The following TPMT variants were observed in gnomAD, a reference collection of about 807,000 sequenced individuals.
TPMT encodes the protein S-adenosyl-L-methionine:thiopurine S-methyltransferase.
A neutral mutation model predicts 34.2 loss-of-function variants in TPMT; 18 were observed. The observed-to-expected ratio is 0.53, with a 90% CI of 0.36 to 0.78. The LOEUF is 0.78. TPMT is among the 30% of genes least tolerant of loss of function. The probability of loss-of-function intolerance (pLI) is 0.00; values close to 1 mark genes in which losing one functional copy is unlikely to be tolerated. For synonymous variants in TPMT, 69 were observed against 92.4 expected, an observed-to-expected ratio of 0.75 and a Z score of 1.45; for missense variants, 265 against 288.1, an observed-to-expected ratio of 0.92 and a Z score of 0.58.
At position 18,129,163 on chromosome 6, in the gene TPMT, TGG is replaced by T. The variant is rs1464865001; in HGVS notation, c.*1503_*1504del. On this transcript the variant is annotated 3_prime_UTR_variant, in exon 9 of 9. Coordinates refer to ENST00000309983, the MANE Select transcript of TPMT (RefSeq NM_000367.5). ...ATTCAACCGGTGATACAGGCAGAGTTGGGGAGTCATGGCTTCTGAAGCCCACA... is the reference window on the plus strand; with the variant it reads ...ATTCAACCGGTGATACAGGCAGAGTTGGAGTCATGGCTTCTGAAGCCCACA... 6.6e-6 allele frequency: 1 copy of T among 152,208 alleles called. No individual in the cohort carries two copies. The highest frequency in any genetic ancestry group is 1.5e-5 in the Non-Finnish European group (1 of 68,056). The allele number at this position is 152,208 out of a possible 1,614,324, so 9.4% of individuals were successfully genotyped here.
In TPMT at chr6:18,139,227, G is replaced by A. The variant is rs1408385683; in HGVS notation, c.420-190C>T. Reference sequence around the variant, plus strand: ...TGTCCATCCCCTCATGGTTTTAGGAGCCTGTGGCAGCAGCCTCCCCACTCT... The same window carrying A: ...TGTCCATCCCCTCATGGTTTTAGGAACCTGTGGCAGCAGCCTCCCCACTCT... On this transcript the variant is annotated intron_variant, in intron 5 of 8. Transcript: ENST00000309983. The surrounding 1 kb of genome is among the most constrained non-coding windows in gnomAD (Gnocchi z 4.2). 1.3e-5 allele frequency among the ~76,000 whole-genome samples: 2 copies of A among 152,188 alleles called. No homozygotes were observed.
Position 18,132,063 on chromosome 6 carries a change from C to T in TPMT, c.625+70G>A, listed in dbSNP as rs958084055. On this transcript the variant is annotated intron_variant, in intron 8 of 8. Transcript: ENST00000309983. The surrounding 1 kb of genome is among the most constrained non-coding windows in gnomAD (Gnocchi z 4.8). Reference sequence around the variant, plus strand: ...AAGTGCTGGAAATACAGGCATGAGCCAGCACGCCAGGCCCAAAAGAGTTAA... The same window carrying T: ...AAGTGCTGGAAATACAGGCATGAGCTAGCACGCCAGGCCCAAAAGAGTTAA... 1.9e-6 allele frequency: 3 copies of T among 1,554,414 alleles called. No individual in the cohort carries two copies. Among genetic ancestry groups the T allele is most frequent in the Non-Finnish European group, 2.7e-6 (3 of 1,127,644 alleles).
chr6:18,130,767 A>G lies in TPMT; in HGVS notation c.639T>C (p.Asn213=), dbSNP rs751299426. Reference sequence around the variant, plus strand: ...CATCAACCTTCTCAAGACAACGTATATTGCATATTTTACCTGAAACAAGAA... The same window carrying G: ...CATCAACCTTCTCAAGACAACGTATGTTGCATATTTTACCTGAAACAAGAA... ...EIERLFGKIC[N]IRCLEKVDAF... The change falls in exon 9 of 9, where the codon AAT becomes AAC. Residue 213 remains asparagine (N), a synonymous_variant. Coordinates refer to ENST00000309983, the MANE Select transcript of TPMT (RefSeq NM_000367.5). This position sits in a 1 kb window ranked among gnomAD's most constrained non-coding sequence, Gnocchi z 4.2. 1.9e-6 allele frequency: 3 copies of G among 1,612,880 alleles called. No individual in the cohort carries two copies. Among genetic ancestry groups the G allele is most frequent in the African/African-American group, 1.3e-5 (1 of 75,046 alleles).
Position 18,136,667 on chromosome 6 carries a change from G to A in TPMT, c.494+2296C>T, listed in dbSNP as rs1278537432. On this transcript the variant is annotated intron_variant, in intron 6 of 8. Coordinates refer to ENST00000309983, the MANE Select transcript of TPMT (RefSeq NM_000367.5). This position sits in a 1 kb window ranked among gnomAD's most constrained non-coding sequence, Gnocchi z 4.7. The stretch of plus-strand genomic sequence containing the variant: ...TACTAAAAATACAAAAAAATTAGCC[G>A]GGTGTGGTGGAGCATGCCTATAATC... Among the ~76,000 whole-genome samples, 4 of 152,100 alleles carry A rather than the reference G, an allele frequency of 2.6e-5. No individual in the cohort carries two copies. Among genetic ancestry groups the A allele is most frequent in the Non-Finnish European group, 5.9e-5 (4 of 68,026 alleles).
chr6:18,133,911 A>T (rs1162992362), intron 6 of TPMT, 22 bp from the exon 7 acceptor site: 60 of 1,594,494 alleles, frequency 3.8e-5, no homozygotes, highest in Non-Finnish European at 4.9e-5. Flanking sequence ...ACAAGAAGGT[A>T]TTTGTTACAT....
chr6:18,148,861 A>C lies in TPMT; in HGVS notation c.140+127T>G. ...CCACAGATGCACTGTGACTCGGGAGACACAAAAATGTGAAGAATTAAATGT... is the reference window on the plus strand; with the variant it reads ...CCACAGATGCACTGTGACTCGGGAGCCACAAAAATGTGAAGAATTAAATGT... On this transcript the variant is annotated intron_variant, in intron 2 of 8. Transcript: ENST00000309983. This position sits in a 1 kb window ranked among gnomAD's most constrained non-coding sequence, Gnocchi z 4.1. The C allele has an allele frequency of 7.2e-7, 1 of 1,389,596 alleles. No homozygotes were observed. The highest frequency in any genetic ancestry group is 1.0e-6 in the Non-Finnish European group (1 of 990,850). 86.1% of individuals were successfully genotyped at this position (1,389,596 alleles called of 1,614,324 possible). A position where few individuals can be genotyped will look rare whatever the true frequency, so the allele number is the denominator to read the frequency against.
In TPMT at chr6:18,131,173, A is replaced by C. The variant is rs1183463407; in HGVS notation, c.626-393T>G. Among the ~76,000 whole-genome samples, 1 of 152,222 alleles carries C rather than the reference A, an allele frequency of 6.6e-6. No homozygotes were observed. The highest frequency in any genetic ancestry group is 1.5e-5 in the Non-Finnish European group (1 of 68,034). ...AAACAAAACCTTGAAATTATTTTAAAAACAGTGTACACTAAACATTTTTCT... is the reference window on the plus strand; with the variant it reads ...AAACAAAACCTTGAAATTATTTTAACAACAGTGTACACTAAACATTTTTCT... On this transcript the variant is annotated intron_variant, in intron 8 of 8. Transcript: ENST00000309983. This position sits in a 1 kb window ranked among gnomAD's most constrained non-coding sequence, Gnocchi z 4.3.
rs10807622 is a variant in TPMT, at chr6:18,146,955, A to G, written c.233+868T>C. Among the ~76,000 whole-genome samples, 1 of 151,908 alleles carries G rather than the reference A, an allele frequency of 6.6e-6. No homozygotes were observed. Among genetic ancestry groups the G allele is most frequent in the Non-Finnish European group, 1.5e-5 (1 of 67,986 alleles). On this transcript the variant is annotated intron_variant, in intron 3 of 8. Transcript: ENST00000309983. This position sits in a 1 kb window ranked among gnomAD's most constrained non-coding sequence, Gnocchi z 6.2. The stretch of plus-strand genomic sequence containing the variant: ...GTTATTATATTTTACATTTATTAAT[A>G]TTTTATTTTAAATTTATTTTTTGAG...
Position 18,139,655 on chromosome 6 carries a change from T to C in TPMT, c.419+10A>G, listed in dbSNP as rs769435065. On this transcript the variant is annotated intron_variant, in intron 5 of 8. Coordinates refer to ENST00000309983, the MANE Select transcript of TPMT (RefSeq NM_000367.5). This position sits in a 1 kb window ranked among gnomAD's most constrained non-coding sequence, Gnocchi z 4.2. ...AATTTTTTAAAGTGCAGATGTAGTA[T>C]TCAACCTACCTGGGAAGATCAAAAA... 10 of 1,612,034 alleles carry C rather than the reference T, an allele frequency of 6.2e-6. No homozygotes were observed. In the South Asian group the frequency reaches 8.8e-5, roughly 14 times the overall value.
chr6:18,141,099 T>C (rs2842938), intron 4 of TPMT, among the ~76,000 whole-genome samples: 122,805 of 152,080 alleles, frequency 0.81, 49,608 homozygotes, highest in East Asian at 0.92. Flanking sequence ...CCTACCCCTA[T>C]AGATTCTGAT....
Position 18,138,348 on chromosome 6 carries a change from T to C in TPMT, c.494+615A>G, listed in dbSNP as rs1784082893. Among the ~76,000 whole-genome samples, 1 of 151,882 alleles carries C rather than the reference T, an allele frequency of 6.6e-6. No homozygotes were observed. The highest frequency in any genetic ancestry group is 2.4e-5 in the African/African-American group (1 of 41,326). ...GTGCAGTGGTACGATCATAGCTCAC[T>C]GCAGCTTTGAACTTCTGGGCTCACC... On this transcript the variant is annotated intron_variant, in intron 6 of 8. Coordinates refer to ENST00000309983, the MANE Select transcript of TPMT (RefSeq NM_000367.5). The surrounding 1 kb of genome is among the most constrained non-coding windows in gnomAD (Gnocchi z 4.1).
In TPMT at chr6:18,139,411, G is replaced by A. The variant is rs1236363509; in HGVS notation, c.419+254C>T. Among the ~76,000 whole-genome samples, 1 of 152,210 alleles carries A rather than the reference G, an allele frequency of 6.6e-6. No individual in the cohort carries two copies. The highest frequency in any genetic ancestry group is 1.5e-5 in the Non-Finnish European group (1 of 68,030). The stretch of plus-strand genomic sequence containing the variant: ...TTACAGGCCCAGGTGCAAGGTAGAA[G>A]ACACTGTCTTACTCACCTTTCTTTT... On this transcript the variant is annotated intron_variant, in intron 5 of 8. Coordinates refer to ENST00000309983, the MANE Select transcript of TPMT (RefSeq NM_000367.5). This position sits in a 1 kb window ranked among gnomAD's most constrained non-coding sequence, Gnocchi z 4.2.
chr6:18,142,805 A>C (rs750612345), intron 4 of TPMT, among the ~76,000 whole-genome samples: 10 of 152,054 alleles, frequency 6.6e-5, no homozygotes, highest in Admixed American at 1.3e-4. Context: ...CAGTCATCTG[A>C]GCCAGAAATG....
chr6:18,131,606 T>C lies in TPMT; in HGVS notation c.625+527A>G, dbSNP rs1046701553. Among the ~76,000 whole-genome samples the C allele has an allele frequency of 6.6e-6, 1 of 151,982 alleles. No individual in the cohort carries two copies. Reference sequence around the variant, plus strand: ...AAAAATAAACAAATAAAAAAAAATATACCATCTCTCTAGAAAAGTTCAAAT... The same window carrying C: ...AAAAATAAACAAATAAAAAAAAATACACCATCTCTCTAGAAAAGTTCAAAT... On this transcript the variant is annotated intron_variant, in intron 8 of 8. Coordinates refer to ENST00000309983, the MANE Select transcript of TPMT (RefSeq NM_000367.5). This position sits in a 1 kb window ranked among gnomAD's most constrained non-coding sequence, Gnocchi z 4.3.
rs866656102 is a variant in TPMT, at chr6:18,141,016, G to T, written c.367-1299C>A. Among the ~76,000 whole-genome samples, 7 of 152,300 alleles carry T rather than the reference G, an allele frequency of 4.6e-5. No individual in the cohort carries two copies. In the South Asian group the frequency reaches 1.5e-3, roughly 32 times the overall value. ...CAGAGATGGGTGGGCCTGGAGGCAG[G>T]AGAACAGCTGGATCTCAACTTTGCC... On this transcript the variant is annotated intron_variant, in intron 4 of 8. Transcript: ENST00000309983.
rs1039340729 is a variant in TPMT, at chr6:18,145,587, C to T, written c.234-1859G>A. ...TGTACCTTTTATCTACAAAAGAGTA[C>T]GTACTTTCAATGTGGGCAGAGCATG... On this transcript the variant is annotated intron_variant, in intron 3 of 8. Coordinates refer to ENST00000309983, the MANE Select transcript of TPMT (RefSeq NM_000367.5). The surrounding 1 kb of genome is among the most constrained non-coding windows in gnomAD (Gnocchi z 5.6). Among the ~76,000 whole-genome samples, 5 of 152,106 alleles carry T rather than the reference C, an allele frequency of 3.3e-5. No individual in the cohort carries two copies. The highest frequency in any genetic ancestry group is 1.3e-4 in the Admixed American group (2 of 15,280).
rs190484211 is a variant in TPMT, at chr6:18,143,723, G to A, written c.239C>T (p.Ala80Val). Residue 80 changes from alanine to valine, a missense_variant, in exon 4 of 9, where the codon GCA (alanine) becomes GTA (valine). Transcript: ENST00000309983. The surrounding 1 kb of genome is among the most constrained non-coding windows in gnomAD (Gnocchi z 6.1). The stretch of plus-strand genomic sequence containing the variant: ...ACCAACTACACTGTGTCCCCGGTCT[G>A]CAAACCTGCATAAAATCATACATTT... ...CGKAVEMKWF[A>V]DRGHSVVGVE... The A allele has an allele frequency of 6.2e-7, 1 of 1,613,956 alleles. No individual in the cohort carries two copies. The highest frequency in any genetic ancestry group is 8.5e-7 in the Non-Finnish European group (1 of 1,179,988).
Position 18,150,836 on chromosome 6 carries a change from C to T in TPMT, c.-44-1665G>A, listed in dbSNP as rs979155199. 1.3e-5 allele frequency among the ~76,000 whole-genome samples: 2 copies of T among 152,266 alleles called. No individual in the cohort carries two copies. Among genetic ancestry groups the T allele is most frequent in the Non-Finnish European group, 2.9e-5 (2 of 68,012 alleles). The stretch of plus-strand genomic sequence containing the variant: ...TGAAGAATCACGCCCACCTCAGCCT[C>T]CTGAGTAGCTGGGATTACAGGCATG... On this transcript the variant is annotated intron_variant, in intron 1 of 8. Coordinates refer to ENST00000309983, the MANE Select transcript of TPMT (RefSeq NM_000367.5). The surrounding 1 kb of genome is among the most constrained non-coding windows in gnomAD (Gnocchi z 5.3).
rs68138647 is a variant in TPMT at position 18,133,789 on chromosome 6, A to AC, written c.580+14dup. The AC allele has an allele frequency of 1.9e-6, 3 of 1,556,606 alleles. No individual in the cohort carries two copies. The highest frequency in any genetic ancestry group is 1.4e-5 in the African/African-American group (1 of 72,516). The stretch of plus-strand genomic sequence containing the variant: ...GCAACTGGTAAAAGAAAAAAAAAAA[A>AC]CCCAACAACTTTACCTGGATGTTTA... On this transcript the variant is annotated intron_variant, in intron 7 of 8. Transcript: ENST00000309983.
Sources: gnomAD v4.1 joint callset for allele counts (sites outside exome capture counted in the v4.1 genomes callset) on GRCh38, gnomAD v4.1.1 for gene constraint, Gnocchi (gnomAD v3.1) non-coding constraint, MANE v1.5 for transcripts, NCBI Gene and HGNC (gene_info 2026-07-23, HGNC 2026-07-21) for gene names.